Variants in SIPA1L2 observed in about 807,000 individuals in gnomAD.
SIPA1L2 encodes the protein signal induced proliferation associated 1 like 2.
SIPA1L2 carries 56 observed loss-of-function variants against 163.9 expected under a neutral mutation model. That is an observed-to-expected ratio of 0.34 (90% CI 0.28 to 0.43). The LOEUF (loss-of-function observed/expected upper bound fraction) is 0.43. SIPA1L2 is among the 20% of genes least tolerant of loss of function. The pLI is 1.00. For synonymous variants in SIPA1L2, 877 were observed against 865.7 expected (o/e 1.01, Z -0.23); for missense variants, 1,974 against 2,193.5 (o/e 0.90, Z 2.00).
At chr1:232,407,147 A>C (rs1284900976) in intron 19 of SIPA1L2, among the ~76,000 whole-genome samples, 1 of 152,232 alleles carries the variant, frequency 6.6e-6, no homozygotes, top group African/African-American at 2.4e-5. Flanking sequence ...ATTATTCTTT[A>C]TTTAAGAAAC....
chr1:232,520,680 T>TA (rs111484021), intron 2 of SIPA1L2, among the ~76,000 whole-genome samples: 3,557 of 151,940 alleles, frequency 0.023, 142 homozygotes, highest in African/African-American at 0.079. Flanking sequence ...ATAACTATAG[T>TA]AAAAAAAATG....
chr1:232,525,857 T>A (rs1004445644), intron 2 of SIPA1L2, among the ~76,000 whole-genome samples: 1 of 152,170 alleles, frequency 6.6e-6, no homozygotes, highest in African/African-American at 2.4e-5. Flanking sequence ...AATCACCACC[T>A]GACACCTGAG....
At chr1:232,473,939 T>C (rs2102952466) in intron 7 of SIPA1L2, among the ~76,000 whole-genome samples, 1 of 152,348 alleles carries the variant, frequency 6.6e-6, no homozygotes, top group South Asian at 2.1e-4. Context: ...AGAAATATTA[T>C]TCATTTTTCT....
rs766196662 is a variant in SIPA1L2, at chr1:232,601,968, G to GT, written c.-318-27747dup. Reference sequence around the variant, plus strand: ...CTTACAAGCATGTGAAGGAGTATATGTTTTTTAAAAATTATTTCAGAGGGT... The same window carrying GT: ...CTTACAAGCATGTGAAGGAGTATATGTTTTTTTAAAAATTATTTCAGAGGGT... On this transcript the variant is annotated intron_variant, in intron 1 of 22. Coordinates refer to ENST00000674635, the MANE Select transcript of SIPA1L2 (RefSeq NM_020808.5). 1.4e-3 allele frequency among the ~76,000 whole-genome samples: 211 copies of GT among 152,280 alleles called. 3 individuals carry two copies. The highest frequency in any genetic ancestry group is 6.3e-4 in the Non-Finnish European group (43 of 68,026).
At chr1:232,576,316 T>C (rs746768656) in intron 1 of SIPA1L2, among the ~76,000 whole-genome samples, 1 of 152,248 alleles carries the variant, frequency 6.6e-6, no homozygotes, top group African/African-American at 2.4e-5. Context: ...ATTCTCACAA[T>C]ACTTCGAACT....
intron 10 of SIPA1L2, among the ~76,000 whole-genome samples, chr1:232,455,815 T>C (rs940811400): frequency 2.0e-5 from 3 of 151,936 alleles, no homozygotes; most frequent in South Asian, 2.1e-4. Context: ...CAGGTGGAGC[T>C]GGAGGCCATT....
chr1:232,584,195 CAG>C (rs1248761644), intron 1 of SIPA1L2, among the ~76,000 whole-genome samples: 1 of 152,164 alleles, frequency 6.6e-6, no homozygotes, highest in African/African-American at 2.4e-5. Flanking sequence ...CTTCCCCATT[CAG>C]TCGGTTAGAA....
rs777436260 is a variant in SIPA1L2 at position 232,425,665 on chromosome 1, C to T, written c.4554G>A (p.Leu1518=). 6.2e-7 allele frequency: 1 copy of T among 1,613,582 alleles called. No individual in the cohort carries two copies. Among genetic ancestry groups the T allele is most frequent in the Non-Finnish European group, 8.5e-7 (1 of 1,179,882 alleles). ...TGTGGTAGGGTGGGGTGGTGCTGAA[C>T]AGAATGTCGTTGGGCAGGGCCTGGT... ...VLDQALPNDI[L]FSTTPPYHST... The change falls in exon 18 of 23, where the codon CTG becomes CTA. Residue 1518 remains leucine, a synonymous_variant. Transcript: ENST00000674635.
intron 1 of SIPA1L2, among the ~76,000 whole-genome samples, chr1:232,600,678 G>T (rs1661546600): frequency 6.6e-6 from 1 of 152,120 alleles, no homozygotes. Flanking sequence ...ATCTAGCTGG[G>T]GAACAATGGT....
rs771288105 is a variant in SIPA1L2 at position 232,439,293 on chromosome 1, G to A, written c.3846C>T (p.His1282=). The change falls in exon 15 of 23, where the codon CAC becomes CAT. Residue 1282 remains histidine (H), a synonymous_variant. Transcript: ENST00000674635. ...CMPATILGPV[H]LAGSRSLIHS... is the part of the protein sequence containing the mutation. ...GGATCAGGGACCTGCTGCCTGCCAG[G>A]TGCACAGGGCCGAGGATGGTGGCAG... 9 of 1,614,048 alleles carry A rather than the reference G, an allele frequency of 5.6e-6. No homozygotes were observed. In the Middle Eastern group the frequency reaches 4.9e-4, roughly 88 times the overall value.
chr1:232,450,488 C>T (rs765942264), intron 10 of SIPA1L2, among the ~76,000 whole-genome samples: 4 of 152,188 alleles, frequency 2.6e-5, no homozygotes, highest in East Asian at 1.9e-4. Flanking sequence ...ATGCTCTAAG[C>T]GTCACTGGAT....
chr1:232,496,056 T>C (rs541049568), intron 3 of SIPA1L2, among the ~76,000 whole-genome samples: 3 of 152,326 alleles, frequency 2.0e-5, no homozygotes, highest in Admixed American at 6.5e-5. Flanking sequence ...GTAAAGTGTT[T>C]ATAAAGTCTG....
chr1:232,580,103 G>A (rs1660296283), intron 1 of SIPA1L2, among the ~76,000 whole-genome samples: 1 of 152,204 alleles, frequency 6.6e-6, no homozygotes, highest in East Asian at 1.9e-4. Context: ...TAAATAAGGG[G>A]TAGATTATTC....
At chr1:232,628,813 T>C (rs1288837512) in intron 1 of SIPA1L2, among the ~76,000 whole-genome samples, 1 of 152,150 alleles carries the variant, frequency 6.6e-6, no homozygotes, top group Non-Finnish European at 1.5e-5. Context: ...ACGTTTAGAA[T>C]GGAGACTGCA....
In SIPA1L2 at chr1:232,465,495, T is replaced by TACAC; in HGVS notation, c.2244-83_2244-80dup. On this transcript the variant is annotated intron_variant, in intron 8 of 22. Coordinates refer to ENST00000674635, the MANE Select transcript of SIPA1L2 (RefSeq NM_020808.5). The surrounding 1 kb of genome is among the most constrained non-coding windows in gnomAD (Gnocchi z 4.1). Reference sequence around the variant, plus strand: ...TATCTTTCCGAATTTGACATATATATACACACACACACACATATACATACA... The same window carrying TACAC: ...TATCTTTCCGAATTTGACATATATATACACACACACACACACACATATACATACA... 6 of 1,065,652 alleles carry TACAC rather than the reference T, an allele frequency of 5.6e-6. No individual in the cohort carries two copies. The highest frequency in any genetic ancestry group is 2.1e-4 in the Middle Eastern group (1 of 4,714). 66.0% of individuals were successfully genotyped at this position (1,065,652 alleles called of 1,614,324 possible).
intron 10 of SIPA1L2, among the ~76,000 whole-genome samples, chr1:232,446,237 A>T (rs1663211605): frequency 6.6e-6 from 1 of 152,204 alleles, no homozygotes; most frequent in Non-Finnish European, 1.5e-5. Flanking sequence ...ATTTCTGGAG[A>T]TAACAAGTAC....
intron 10 of SIPA1L2, among the ~76,000 whole-genome samples, chr1:232,446,952 ACT>A (rs1382949553): frequency 6.6e-6 from 1 of 152,096 alleles, no homozygotes; most frequent in Non-Finnish European, 1.5e-5. Context: ...AAAAACTGAT[ACT>A]CTGATTCATT....
intron 2 of SIPA1L2, among the ~76,000 whole-genome samples, chr1:232,544,294 GC>G (rs1657886211): frequency 6.6e-6 from 1 of 152,216 alleles, no homozygotes; most frequent in South Asian, 2.1e-4. Flanking sequence ...GGGCGCAATG[GC>G]TCATGCCTGT....
At chr1:232,563,212 T>TA (rs1484251647) in intron 2 of SIPA1L2, among the ~76,000 whole-genome samples, 1 of 152,170 alleles carries the variant, frequency 6.6e-6, no homozygotes, top group Non-Finnish European at 1.5e-5. Flanking sequence ...TAATCCTACA[T>TA]ACTCAACTCC....
Sources: allele counts gnomAD v4.1 joint callset (sites outside exome capture counted in the v4.1 genomes callset), GRCh38; gene constraint gnomAD v4.1.1; non-coding constraint Gnocchi (gnomAD v3.1); transcripts MANE v1.5; gene names NCBI Gene and HGNC (gene_info 2026-07-23, HGNC 2026-07-21).